PTCHD1: variants seen among roughly 807,000 people sequenced by gnomAD.
PTCHD1 encodes the protein patched domain-containing protein 1.
Under a neutral mutation model 34.6 loss-of-function variants are expected in PTCHD1, and 3 were observed. The observed-to-expected ratio is 0.09, with a 90% confidence interval of 0.04 to 0.22. The LOEUF is 0.22. Ranked by LOEUF, PTCHD1 falls within the 10% of genes least tolerant of loss-of-function variation. The pLI is 1.00. For missense variants in PTCHD1, 504 were observed against 685.5 expected, an observed-to-expected ratio of 0.74 and a Z score of 2.96; for synonymous variants, 305 against 283.1, an observed-to-expected ratio of 1.08 and a Z score of -0.77.
chrX:23,387,822 G>T (rs1167949501), intron 2 of PTCHD1, among the ~76,000 whole-genome samples: 2 of 112,008 alleles, frequency 1.8e-5, no homozygotes, highest in Non-Finnish European at 3.8e-5. Context: ...GACATGCAGG[G>T]TAACAAAAAT....
At position 23,393,206 on chromosome X, in the gene PTCHD1, C is replaced by T; in HGVS notation, c.1688C>T (p.Ser563Phe). 1 of 1,208,329 alleles carries T rather than the reference C, an allele frequency of 8.3e-7. No individual in the cohort carries two copies. The highest frequency in any genetic ancestry group is 3.0e-5 in the East Asian group (1 of 33,829). ...GTGATTGGGTTTTACATATATGAGT[C>T]TATAGAATACTGGAACACTAGTGTC... ...SPVIGFYIYE[S>F]IEYWNTSVQE... Residue 563 changes from serine (S) to phenylalanine (F), a missense_variant, in exon 3 of 3, where the codon TCT becomes TTT. Transcript: ENST00000379361.
rs1433637744 is a variant in PTCHD1, at chrX:23,350,992, T to G, written c.351+15766T>G. The G allele has an allele frequency of 1.6e-5, 4 of 243,119 alleles. No individual in the cohort carries two copies. The East Asian group carries it at 2.6e-4, about 16-fold the overall frequency. The allele number at this position is 243,119 out of a possible 1,213,427, so 20.0% of individuals were successfully genotyped here. On this transcript the variant is annotated intron_variant, in intron 1 of 2. Coordinates refer to ENST00000379361, the MANE Select transcript of PTCHD1 (RefSeq NM_173495.3). ...TGGATTCCCATGAAAATGGAATCCA[T>G]ATTTTCATGGGAATCCAGTAGGCTC...
At position 23,379,897 on chromosome X, in the gene PTCHD1, A is replaced by C. The variant is rs768765735; in HGVS notation, c.658A>C (p.Ser220Arg). ...QLTYYLQSIN[S>R]LNDMVAERWE... The stretch of plus-strand genomic sequence containing the variant: ...CACCTACTACCTGCAGTCAATCAAC[A>C]GTCTCAATGACATGGTGGCTGAGAG... Residue 220 changes from serine (S) to arginine (R), a missense_variant, in exon 2 of 3, where the codon AGT (serine) becomes CGT (arginine). By Grantham distance (110) the Ser-to-Arg change is moderately radical. Transcript: ENST00000379361. The C allele has an allele frequency of 8.3e-7, 1 of 1,210,186 alleles. No homozygotes were observed. The highest frequency in any genetic ancestry group is 1.7e-5 in the African/African-American group (1 of 57,270).
In PTCHD1 at chrX:23,394,222, T is replaced by G; in HGVS notation, c.*37T>G. 1 of 930,589 alleles carries G rather than the reference T, an allele frequency of 1.1e-6. No homozygotes were observed. The highest frequency in any genetic ancestry group is 2.1e-5 in the African/African-American group (1 of 47,305). The allele number at this position is 930,589 out of a possible 1,213,427, so 76.7% of individuals were successfully genotyped here. Reference sequence around the variant, plus strand: ...TGGCATATTTTCACCTTAGGTCTTATCAAGACCAAAGAGATTATGTTAATG... The same window carrying G: ...TGGCATATTTTCACCTTAGGTCTTAGCAAGACCAAAGAGATTATGTTAATG... On this transcript the variant is annotated 3_prime_UTR_variant, in exon 3 of 3. Transcript: ENST00000379361.
intron 2 of PTCHD1, among the ~76,000 whole-genome samples, chrX:23,385,910 A>C (rs1195525169): frequency 1.8e-5 from 2 of 110,944 alleles, no homozygotes; most frequent in Admixed American, 9.7e-5. Context: ...TATCATATGC[A>C]ATATGATATG....
intron 1 of PTCHD1, among the ~76,000 whole-genome samples, chrX:23,354,113 C>T (rs1056052235): frequency 9.0e-6 from 1 of 111,222 alleles, no homozygotes; most frequent in African/African-American, 3.3e-5. Flanking sequence ...TCAGGGCTTA[C>T]AGGGGCTAGA....
intron 2 of PTCHD1, among the ~76,000 whole-genome samples, chrX:23,383,037 T>C (rs556251755): frequency 1.5e-4 from 17 of 111,811 alleles, no homozygotes; most frequent in East Asian, 5.6e-4. Context: ...AATTCTGGGG[T>C]TTTTGGATGA....
At chrX:23,373,460 G>A (rs373893195) in intron 1 of PTCHD1, among the ~76,000 whole-genome samples, 8 of 112,857 alleles carry the variant, frequency 7.1e-5, no homozygotes, top group Non-Finnish European at 5.6e-5. Context: ...TATATCCACA[G>A]CTTAAATTTG....
chrX:23,345,271 T>G (rs1418776980), intron 1 of PTCHD1, among the ~76,000 whole-genome samples: 1 of 112,026 alleles, frequency 8.9e-6, no homozygotes, highest in Non-Finnish European at 1.9e-5. Flanking sequence ...TCTGTGTAAG[T>G]GAGGGTTAGC....
chrX:23,335,380 G>A (rs1252298773), intron 1 of PTCHD1, among the ~76,000 whole-genome samples, 154 bp downstream of exon 1: 1 of 113,265 alleles, frequency 8.8e-6, no homozygotes, highest in Non-Finnish European at 1.9e-5. Flanking sequence ...GCGGCCGACT[G>A]GAGCCTCCCA....
At chrX:23,389,618 A>T (rs1922776785) in intron 2 of PTCHD1, among the ~76,000 whole-genome samples, 1 of 112,113 alleles carries the variant, frequency 8.9e-6, no homozygotes, top group Admixed American at 9.4e-5. Flanking sequence ...AGGCAAAGTC[A>T]GGCACAACTA....
chrX:23,380,769 G>C lies in PTCHD1; in HGVS notation c.1012+518G>C, dbSNP rs753004633. 4.5e-4 allele frequency among the ~76,000 whole-genome samples: 50 copies of C among 111,337 alleles called. No homozygotes were observed. The South Asian group carries it at 5.4e-3, about 12-fold the overall frequency. On this transcript the variant is annotated intron_variant, in intron 2 of 2. Transcript: ENST00000379361. ...ACAGGGGACCTTTGGGAGACCTTGT[G>C]AAACACACCTCAGAGAGGTCCTCCC...
intron 1 of PTCHD1, among the ~76,000 whole-genome samples, chrX:23,356,716 G>A (rs1036024134): frequency 8.9e-6 from 1 of 112,261 alleles, no homozygotes; most frequent in African/African-American, 3.2e-5. Context: ...GCATGAGAGA[G>A]GCAGTTGCTC....
rs1289438430 is a variant in PTCHD1 at position 23,399,579 on chromosome X, T to C, written c.*5394T>C. ...TGAGCAATCAAGAACTTTTGAACTA[T>C]CTTTTCTCTAAGGATCCAAAAATGC... On this transcript the variant is annotated 3_prime_UTR_variant, in exon 3 of 3. Transcript: ENST00000379361. 4.4e-5 allele frequency: 5 copies of C among 112,385 alleles called. No homozygotes were observed. Among genetic ancestry groups the C allele is most frequent in the Non-Finnish European group, 9.4e-5 (5 of 53,288 alleles). The allele number at this position is 112,385 out of a possible 1,213,427, so 9.3% of individuals were successfully genotyped here.
chrX:23,362,167 T>C (rs1922004619), intron 1 of PTCHD1, among the ~76,000 whole-genome samples: 1 of 112,024 alleles, frequency 8.9e-6, no homozygotes, highest in Admixed American at 9.4e-5. Flanking sequence ...TGTGGTGTTC[T>C]CTGTATTTCC....
intron 1 of PTCHD1, among the ~76,000 whole-genome samples, chrX:23,369,901 T>G (rs1044872158): frequency 8.9e-6 from 1 of 112,177 alleles, no homozygotes; most frequent in African/African-American, 3.2e-5. Context: ...CCCCTTAGTC[T>G]TTCAGCAAAG....
chrX:23,393,577 G>A lies in PTCHD1; in HGVS notation c.2059G>A (p.Val687Ile), dbSNP rs1247868920. 1 of 1,210,782 alleles carries A rather than the reference G, an allele frequency of 8.3e-7. No individual in the cohort carries two copies. Reference sequence around the variant, plus strand: ...GTTCATCGTCTTCAATCCGTCCTTTGTATACATGGATCGATATGCCTCCTC... The same window carrying A: ...GTTCATCGTCTTCAATCCGTCCTTTATATACATGGATCGATATGCCTCCTC... ...VKFIVFNPSFVYMDRYASSLG... is the reference protein window; with the variant it reads ...VKFIVFNPSFIYMDRYASSLG... Residue 687 changes from valine to isoleucine, a missense_variant, in exon 3 of 3, where the codon GTA (valine) becomes ATA (isoleucine). Transcript: ENST00000379361.
chrX:23,374,623 G>A (rs1406758460), intron 1 of PTCHD1, among the ~76,000 whole-genome samples: 5 of 106,598 alleles, frequency 4.7e-5, no homozygotes, highest in Non-Finnish European at 9.7e-5. Flanking sequence ...TTTTTTTCCA[G>A]TAAACCTATA....
chrX:23,393,145 A>G lies in PTCHD1; in HGVS notation c.1627A>G (p.Thr543Ala). The G allele has an allele frequency of 8.3e-7, 1 of 1,211,537 alleles. No homozygotes were observed. The highest frequency in any genetic ancestry group is 1.1e-6 in the Non-Finnish European group (1 of 895,212). The change falls in exon 3 of 3, where the codon ACT becomes GCT. Residue 543 changes from threonine to alanine, a missense_variant. Thr to Ala is a moderately conservative substitution (Grantham distance 58). Coordinates refer to ENST00000379361, the MANE Select transcript of PTCHD1 (RefSeq NM_173495.3). ...ATATQTIEYT[T>A]AQQKYFSNYS... ...CGCGACACAAACCATTGAGTACACTACTGCCCAGCAAAAGTACTTCAGCAA... is the reference window on the plus strand; with the variant it reads ...CGCGACACAAACCATTGAGTACACTGCTGCCCAGCAAAAGTACTTCAGCAA...
Sources: gnomAD v4.1 joint callset for allele counts (sites outside exome capture counted in the v4.1 genomes callset) on GRCh38, gnomAD v4.1.1 for gene constraint, MANE v1.5 for transcripts, NCBI Gene and HGNC (gene_info 2026-07-23, HGNC 2026-07-21) for gene names.